Variants in PNKD observed in about 807,000 individuals in gnomAD.
PNKD encodes the protein probable thioesterase PNKD.
A neutral mutation model predicts 45.3 loss-of-function variants in PNKD; 36 were observed. That is an observed-to-expected ratio of 0.80 (90% CI 0.61 to 1.05). The LOEUF (loss-of-function observed/expected upper bound fraction) is 1.05. PNKD is among the 50% of genes least tolerant of loss of function. The pLI, the probability that PNKD is intolerant of heterozygous loss-of-function variation, is 0.00. For synonymous variants in PNKD, 197 were observed against 210.1 expected (o/e 0.94, Z 0.54); for missense variants, 511 against 506.6 (o/e 1.01, Z -0.08).
At chr2:218,278,167 TG>T (rs748280178) in intron 2 of PNKD, 11 of 636,752 alleles carry the variant, frequency 1.7e-5, no homozygotes, top group Non-Finnish European at 2.4e-5. Flanking sequence ...GAGACAGACC[TG>T]TGTTGTGGCG....
chr2:218,314,492 G>T (rs1214121999), intron 2 of PNKD, among the ~76,000 whole-genome samples: 1 of 151,832 alleles, frequency 6.6e-6, no homozygotes, highest in Non-Finnish European at 1.5e-5. Flanking sequence ...CAAAGTGCTG[G>T]GATTACTTGT....
At chr2:218,288,659 A>G (rs1316193389) in intron 2 of PNKD, among the ~76,000 whole-genome samples, 1 of 152,224 alleles carries the variant, frequency 6.6e-6, no homozygotes, top group Non-Finnish European at 1.5e-5. Context: ...CTCAACCAGT[A>G]AGTATAATAT....
chr2:218,277,025 G>A (rs138748565), intron 2 of PNKD: 10 of 1,613,944 alleles, frequency 6.2e-6, no homozygotes, highest in African/African-American at 4.0e-5. Context: ...AGAGCACAAT[G>A]CTAGTGACAA....
intron 2 of PNKD, chr2:218,280,094 C>T (rs1298275666): frequency 2.5e-6 from 4 of 1,614,144 alleles, no homozygotes; most frequent in Non-Finnish European, 3.4e-6. Flanking sequence ...TCACTCACTG[C>T]TCTCTCCTCC....
intron 2 of PNKD, among the ~76,000 whole-genome samples, chr2:218,295,421 C>T (rs1378695531): frequency 6.6e-6 from 1 of 152,102 alleles, no homozygotes; most frequent in Non-Finnish European, 1.5e-5. Flanking sequence ...TCACTTGGTT[C>T]CTCCAGATCC....
rs149963837 is a variant in PNKD at position 218,318,465 on chromosome 2, A to G, written c.237-21318A>G. Among the ~76,000 whole-genome samples the G allele has an allele frequency of 3.6e-4, 55 of 152,340 alleles. No individual in the cohort carries two copies. The East Asian group carries it at 9.8e-3, about 27-fold the overall frequency. On this transcript the variant is annotated intron_variant, in intron 2 of 9. Coordinates refer to ENST00000273077, the MANE Select transcript of PNKD (RefSeq NM_015488.5). ...ACCAGGCTTGTTCTGACTCCCTTCC[A>G]TGATCCACCCTTCTGAGTGGGGTTT...
chr2:218,289,919 T>C, intron 2 of PNKD: 1 of 152,130 alleles, frequency 6.6e-6, no homozygotes. Flanking sequence ...CTAAACAGTA[T>C]ATAACACTCT....
At chr2:218,325,001 T>C (rs1404386065) in intron 2 of PNKD, among the ~76,000 whole-genome samples, 1 of 37,304 alleles carries the variant, frequency 2.7e-5, no homozygotes, top group Non-Finnish European at 8.4e-5. Context: ...AATTTTCTTT[T>C]TTTTTTTTTT....
chr2:218,323,387 C>T (rs1694050939), intron 2 of PNKD: 1 of 1,577,850 alleles, frequency 6.3e-7, no homozygotes, highest in Non-Finnish European at 8.6e-7. Context: ...GGGGCCTCCG[C>T]GGTCTGCTCA....
rs566000311 is a variant in PNKD at position 218,342,161 on chromosome 2, G to C, written c.781+17G>C. ...CTGGCTGTGGTGAGTTTCCCCGAAA[G>C]AGAGAGGAGCTGGGAGAGGAGGGAG... On this transcript the variant is annotated intron_variant, in intron 7 of 9. Coordinates refer to ENST00000273077, the MANE Select transcript of PNKD (RefSeq NM_015488.5). 3 of 1,608,198 alleles carry C rather than the reference G, an allele frequency of 1.9e-6. No homozygotes were observed. The highest frequency in any genetic ancestry group is 1.7e-5 in the Admixed American group (1 of 59,944).
chr2:218,314,907 C>G (rs1314959373), intron 2 of PNKD, among the ~76,000 whole-genome samples: 1 of 134,586 alleles, frequency 7.4e-6, no homozygotes, highest in East Asian at 2.4e-4. Context: ...ACAGGCTGGC[C>G]TTGAACTCCT....
At chr2:218,328,056 A>C (rs940464870) in intron 2 of PNKD, 6 of 151,828 alleles carry the variant, frequency 4.0e-5, no homozygotes, top group Admixed American at 1.3e-4. Flanking sequence ...TCTCTCATGA[A>C]GTCCAAGTCC....
At chr2:218,281,233 G>A (rs529937218) in intron 2 of PNKD, among the ~76,000 whole-genome samples, 4 of 133,638 alleles carry the variant, frequency 3.0e-5, no homozygotes, top group African/African-American at 8.2e-5. Flanking sequence ...TCCTGGGATT[G>A]CAAGCGATTC....
intron 2 of PNKD, chr2:218,277,730 G>A: frequency 3.1e-6 from 5 of 1,607,538 alleles, no homozygotes; most frequent in Non-Finnish European, 4.3e-6. Context: ...CAGGGTGCTG[G>A]GGGAGTGGCC....
rs376682641 is a variant in PNKD, at chr2:218,279,016, C to G, written c.236+7467C>G. The G allele has an allele frequency of 4.2e-4, 679 of 1,613,956 alleles. 6 individuals are homozygous for G. The South Asian group carries it at 7.0e-3, about 17-fold the overall frequency. ...CTGCCACCCCTGCCTCCCTGCCCAA[C>G]CACAGAGGAGCACACACTCACTAGG... is the stretch of plus-strand genomic sequence containing the variant. On this transcript the variant is annotated intron_variant, in intron 2 of 9. Transcript: ENST00000273077.
At chr2:218,300,415 T>C (rs1163514199) in intron 2 of PNKD, among the ~76,000 whole-genome samples, 1 of 152,236 alleles carries the variant, frequency 6.6e-6, no homozygotes, top group Non-Finnish European at 1.5e-5. Context: ...TTGCTGCCTA[T>C]ATCACCACTT....
Position 218,315,041 on chromosome 2 carries a change from T to TC in PNKD, c.237-24741dup, listed in dbSNP as rs1574690958. The stretch of plus-strand genomic sequence containing the variant: ...CTTTCTTTCTTTCTTTCTTTCTTTT[T>TC]CTTTCTTTCTTTCTTTCTTCCTTCC... On this transcript the variant is annotated intron_variant, in intron 2 of 9. Coordinates refer to ENST00000273077, the MANE Select transcript of PNKD (RefSeq NM_015488.5). Among the ~76,000 whole-genome samples, 17 of 88,494 alleles carry TC rather than the reference T, an allele frequency of 1.9e-4. 2 individuals carry two copies. In the East Asian group the frequency reaches 6.2e-3, roughly 32 times the overall value. 58.1% of individuals were successfully genotyped at this position (88,494 alleles called of 152,430 possible). A position where few individuals can be genotyped will look rare whatever the true frequency, so the allele number is the denominator to read the frequency against.
At chr2:218,277,534 C>A in intron 2 of PNKD, 1 of 1,606,390 alleles carries the variant, frequency 6.2e-7, no homozygotes. Flanking sequence ...CAGAGGGGAC[C>A]TGCCCAGAAT....
intron 7 of PNKD, among the ~76,000 whole-genome samples, 176 bp from the exon 8 acceptor site, chr2:218,343,324 T>C (rs1694737000): frequency 6.6e-6 from 1 of 152,132 alleles, no homozygotes; most frequent in African/African-American, 2.4e-5. Context: ...GGGTGACCAG[T>C]TGGGCCCAGT....
Sources: gnomAD v4.1 joint callset for allele counts (sites outside exome capture counted in the v4.1 genomes callset) on GRCh38, gnomAD v4.1.1 for gene constraint, MANE v1.5 for transcripts, NCBI Gene and HGNC (gene_info 2026-07-23, HGNC 2026-07-21) for gene names.